The following RXFP2 variants were observed in gnomAD, a reference collection of about 807,000 sequenced individuals.
RXFP2 encodes relaxin receptor 2.
A neutral mutation model predicts 88.6 loss-of-function variants in RXFP2; 68 were observed. The ratio of observed to expected loss-of-function variants is 0.77; its 90% confidence interval spans 0.63 to 0.94. The LOEUF (loss-of-function observed/expected upper bound fraction) is 0.94. RXFP2 is among the 40% of genes least tolerant of loss of function. The pLI, the probability that RXFP2 is intolerant of heterozygous loss-of-function variation, is 0.00. For missense variants in RXFP2, 791 were observed against 893.9 expected (o/e 0.88, Z 1.47); for synonymous variants, 329 against 306.8 (o/e 1.07, Z -0.76).
intron 16 of RXFP2, 35 bp from the exon 17 acceptor site, chr13:31,797,166 C>T (rs763450971): frequency 2.4e-5 from 34 of 1,414,786 alleles, no homozygotes; most frequent in South Asian, 1.6e-4. Flanking sequence ...TTGACTTTTA[C>T]GCCTGAGATG....
At chr13:31,745,373 C>G (rs1871367955) in intron 1 of RXFP2, among the ~76,000 whole-genome samples, 1 of 152,168 alleles carries the variant, frequency 6.6e-6, no homozygotes, top group African/African-American at 2.4e-5. Flanking sequence ...TGAACCAGTT[C>G]CAAATCTCAT....
intron 3 of RXFP2, among the ~76,000 whole-genome samples, chr13:31,762,092 A>G (rs1872328238): frequency 1.3e-5 from 2 of 152,254 alleles, no homozygotes. Context: ...ATTTTCTTCA[A>G]GAAAGATGTT....
intron 6 of RXFP2, among the ~76,000 whole-genome samples, 157 bp downstream of exon 6, chr13:31,774,848 A>G (rs1872873374): frequency 6.6e-6 from 1 of 152,178 alleles, no homozygotes; most frequent in Admixed American, 6.5e-5. Context: ...AGAATTATTA[A>G]ACGATTCCTA....
At chr13:31,754,656 C>T (rs1242811728) in intron 1 of RXFP2, among the ~76,000 whole-genome samples, 2 of 152,190 alleles carry the variant, frequency 1.3e-5, no homozygotes, top group South Asian at 2.1e-4. Flanking sequence ...TCTCTTTAAT[C>T]GAATGCTTAA....
At chr13:31,780,463 A>T (rs1438980247) in intron 9 of RXFP2, among the ~76,000 whole-genome samples, 1 of 152,198 alleles carries the variant, frequency 6.6e-6, no homozygotes, top group East Asian at 1.9e-4. Flanking sequence ...GTTATTTTTA[A>T]TCACAGTATA....
In RXFP2 at chr13:31,793,160, G is replaced by A. The variant is rs192912973; in HGVS notation, c.1786+72G>A. 27 of 1,357,266 alleles carry A rather than the reference G, an allele frequency of 2.0e-5. No homozygotes were observed. The African/African-American group carries it at 3.6e-4, about 18-fold the overall frequency. The allele number at this position is 1,357,266 out of a possible 1,614,324, so 84.1% of individuals were successfully genotyped here. On this transcript the variant is annotated intron_variant, in intron 16 of 17. Transcript: ENST00000298386. ...AATACGTTAAATTTCAGCAAAGGTG[G>A]ATTTGTTTGTTTCAGAAAGTGAGAT...
chr13:31,775,241 G>C (rs1288793334), intron 6 of RXFP2, 77 bp from the exon 7 acceptor site: 3 of 1,126,300 alleles, frequency 2.7e-6, no homozygotes, highest in Non-Finnish European at 2.7e-6. Context: ...ATCATCATCA[G>C]TGGCTCATAT....
intron 15 of RXFP2, 122 bp from the exon 16 acceptor site, chr13:31,792,556 G>T: frequency 1.1e-6 from 1 of 922,802 alleles, no homozygotes; most frequent in Non-Finnish European, 1.7e-6. Context: ...TAGTTCATTT[G>T]ATATAAGATG....
intron 17 of RXFP2, 21 bp downstream of exon 17, chr13:31,797,440 C>A (rs761562240): frequency 6.4e-7 from 1 of 1,562,122 alleles, no homozygotes; most frequent in South Asian, 1.1e-5. Context: ...TCTATCATTC[C>A]CAAGTATAAT....
Position 31,797,155 on chromosome 13 carries a change from GT to G in RXFP2, c.1787-44del, listed in dbSNP as rs1874088438. Reference sequence around the variant, plus strand: ...CAACCTGTACCACAGTAATTTTACTGTTGACTTTTACGCCTGAGATGTTAAA... The same window carrying G: ...CAACCTGTACCACAGTAATTTTACTGTGACTTTTACGCCTGAGATGTTAAA... On this transcript the variant is annotated intron_variant, in intron 16 of 17. Transcript: ENST00000298386. The G allele has an allele frequency of 2.2e-6, 3 of 1,338,028 alleles. No homozygotes were observed. The African/African-American group carries it at 4.3e-5, about 19-fold the overall frequency. The allele number at this position is 1,338,028 out of a possible 1,614,324, so 82.9% of individuals were successfully genotyped here. A position where few individuals can be genotyped will look rare whatever the true frequency, so the allele number is the denominator to read the frequency against.
intron 1 of RXFP2, among the ~76,000 whole-genome samples, chr13:31,756,708 GC>G (rs1351666240): frequency 6.8e-6 from 1 of 146,534 alleles, no homozygotes; most frequent in Non-Finnish European, 1.5e-5. Context: ...TGCAACCTCT[GC>G]CCCCCAAGTT....
chr13:31,747,174 G>T (rs1036629296), intron 1 of RXFP2, among the ~76,000 whole-genome samples: 5 of 152,152 alleles, frequency 3.3e-5, no homozygotes, highest in African/African-American at 1.2e-4. Flanking sequence ...CCTGTGAATT[G>T]TAAGTTTTGA....
Position 31,764,284 on chromosome 13 carries a change from C to CACACACACAT in RXFP2, c.320-748_320-747insCACATACACA, listed in dbSNP as rs762385260. 7.7e-3 allele frequency among the ~76,000 whole-genome samples: 1,162 copies of CACACACACAT among 150,426 alleles called. 8 individuals are homozygous for CACACACACAT. Among genetic ancestry groups the CACACACACAT allele is most frequent in the Non-Finnish European group, 0.011 (722 of 67,568 alleles). On this transcript the variant is annotated intron_variant, in intron 3 of 17. Transcript: ENST00000298386. ...ACACACACACACACACACACACACACACACAGTGACTGTCCTATGGACCAG... is the reference window on the plus strand; with the variant it reads ...ACACACACACACACACACACACACACACACACACATACACAGTGACTGTCCTATGGACCAG...
chr13:31,775,824 G>T (rs1310549583), intron 7 of RXFP2, among the ~76,000 whole-genome samples: 1 of 152,244 alleles, frequency 6.6e-6, no homozygotes, highest in African/African-American at 2.4e-5. Flanking sequence ...CCACTTTCCA[G>T]ACTGAGCCAC....
chr13:31,786,599 CA>C lies in RXFP2; in HGVS notation c.1037del (p.Lys346ArgfsTer13). 6.2e-7 allele frequency: 1 copy of C among 1,602,068 alleles called. No individual in the cohort carries two copies. Among genetic ancestry groups the C allele is most frequent in the Non-Finnish European group, 8.5e-7 (1 of 1,170,210 alleles). Reference protein sequence around the residue: ...LSSNPLMYLHKNQFESLKQLQ... With the variant: ...LSSNPLMYLHXNQFESLKQLQ... ...CATCCAATCCTCTTATGTATCTTCACAAGAACCAGTTTGAAAGTCTTAAACA... is the reference window on the plus strand; with the variant it reads ...CATCCAATCCTCTTATGTATCTTCACAGAACCAGTTTGAAAGTCTTAAACA... On this transcript the variant is annotated frameshift_variant, in exon 13 of 18. Transcript: ENST00000298386. LOFTEE classifies it high-confidence loss of function.
At chr13:31,753,080 C>T (rs1885637) in intron 1 of RXFP2, among the ~76,000 whole-genome samples, 48,868 of 151,990 alleles carry the variant, frequency 0.32, 8,846 homozygotes, top group Admixed American at 0.43. Context: ...TGGCCTATAC[C>T]CCCCTGGAGC....
intron 2 of RXFP2, among the ~76,000 whole-genome samples, chr13:31,760,077 T>C (rs1273555290): frequency 6.8e-6 from 1 of 146,810 alleles, no homozygotes; most frequent in African/African-American, 2.5e-5. Flanking sequence ...GTTGTTGTTG[T>C]TTGTTTGTTT....
intron 16 of RXFP2, among the ~76,000 whole-genome samples, chr13:31,796,490 C>T (rs1030490358): frequency 1.3e-5 from 2 of 151,730 alleles, no homozygotes; most frequent in Non-Finnish European, 2.9e-5. Context: ...TTGAGATGTG[C>T]ATATGATTAC....
chr13:31,783,139 A>G (rs918656549), intron 11 of RXFP2, among the ~76,000 whole-genome samples: 4 of 152,214 alleles, frequency 2.6e-5, no homozygotes, highest in African/African-American at 9.6e-5. Flanking sequence ...CTTATAACTG[A>G]ACAAAGGAAC....
Sources: gnomAD v4.1 joint callset for allele counts (sites outside exome capture counted in the v4.1 genomes callset) on GRCh38, gnomAD v4.1.1 for gene constraint, MANE v1.5 for transcripts, NCBI Gene and HGNC (gene_info 2026-07-23, HGNC 2026-07-21) for gene names.